The following FAF1 variants were observed in gnomAD, a reference collection of about 807,000 sequenced individuals.
FAF1 encodes Fas associated factor 1.
In FAF1, 25 loss-of-function variants were observed where a neutral mutation model predicts 92.5. The ratio of observed to expected loss-of-function variants is 0.27; its 90% confidence interval spans 0.20 to 0.38. FAF1 has a LOEUF of 0.38. Ranked by LOEUF, FAF1 falls within the 10% of genes least tolerant of loss-of-function variation. FAF1 has a pLI of 1.00. For missense variants in FAF1, 636 were observed against 793.3 expected, an observed-to-expected ratio of 0.80 and a Z score of 2.38; for synonymous variants, 234 against 273.2, an observed-to-expected ratio of 0.86 and a Z score of 1.42.
rs560779518 is a variant in FAF1, at chr1:50,713,895, TC to T, written c.552-8005del. Among the ~76,000 whole-genome samples, 311 of 148,452 alleles carry T rather than the reference TC, an allele frequency of 2.1e-3. 3 individuals carry two copies. The highest frequency in any genetic ancestry group is 7.6e-3 in the African/African-American group (307 of 40,474). On this transcript the variant is annotated intron_variant, in intron 6 of 18. Transcript: ENST00000396153. ...TTCAAGCAATCCTCCCGGCTCAGCCTCCCACGTAGCTGGGTTTACAGGCACC... is the reference window on the plus strand; with the variant it reads ...TTCAAGCAATCCTCCCGGCTCAGCCTCCACGTAGCTGGGTTTACAGGCACC...
At chr1:50,647,601 T>C (rs550314085) in intron 8 of FAF1, among the ~76,000 whole-genome samples, 1 of 152,162 alleles carries the variant, frequency 6.6e-6, no homozygotes, top group African/African-American at 2.4e-5. Context: ...ATTAAAACAA[T>C]AAATAAAACA....
chr1:50,539,103 A>G (rs1387498208), intron 14 of FAF1, among the ~76,000 whole-genome samples: 1 of 152,268 alleles, frequency 6.6e-6, no homozygotes, highest in Non-Finnish European at 1.5e-5. Context: ...TTAAATTCAC[A>G]GGCATCCCAC....
chr1:50,851,081 ATT>A (rs57980948), intron 2 of FAF1, among the ~76,000 whole-genome samples: 40 of 135,402 alleles, frequency 3.0e-4, no homozygotes, highest in African/African-American at 5.9e-4. Context: ...AGCAATTTAC[ATT>A]TTTTTTTTTT....
intron 15 of FAF1, among the ~76,000 whole-genome samples, chr1:50,512,820 T>C (rs1647154562): frequency 6.6e-6 from 1 of 152,222 alleles, no homozygotes; most frequent in African/African-American, 2.4e-5. Context: ...ATAAATTACT[T>C]TGGGCAGTAT....
intron 2 of FAF1, among the ~76,000 whole-genome samples, chr1:50,851,842 G>C (rs1644354022): frequency 6.6e-6 from 1 of 152,034 alleles, no homozygotes; most frequent in Non-Finnish European, 1.5e-5. Context: ...ATTTGATCAG[G>C]TAAACCAATG....
At chr1:50,853,832 T>C (rs1035349005) in intron 2 of FAF1, among the ~76,000 whole-genome samples, 6 of 152,064 alleles carry the variant, frequency 3.9e-5, no homozygotes, top group Non-Finnish European at 1.5e-5. Context: ...TTTAATAGTA[T>C]GTATACAAAT....
intron 4 of FAF1, among the ~76,000 whole-genome samples, chr1:50,745,744 A>T (rs1182008598): frequency 6.6e-6 from 1 of 152,188 alleles, no homozygotes; most frequent in Non-Finnish European, 1.5e-5. Flanking sequence ...TTTACAAATT[A>T]TCCAGTCTCG....
At position 50,718,874 on chromosome 1, in the gene FAF1, T is replaced by C. The variant is rs192108233; in HGVS notation, c.552-12983A>G. Among the ~76,000 whole-genome samples the C allele has an allele frequency of 2.2e-4, 34 of 152,350 alleles. 1 individual carries two copies. The East Asian group carries it at 5.2e-3, about 23-fold the overall frequency. ...ATTTTAAATTAAAAAGCGTGACACA[T>C]GGCAATTTAAATTTCCATTCTAAAC... On this transcript the variant is annotated intron_variant, in intron 6 of 18. Transcript: ENST00000396153.
intron 4 of FAF1, among the ~76,000 whole-genome samples, chr1:50,779,717 T>G (rs1048843856): frequency 2.0e-5 from 3 of 151,938 alleles, no homozygotes; most frequent in Non-Finnish European, 1.5e-5. Context: ...GAAGTTAGAT[T>G]GTTACCAGCT....
intron 8 of FAF1, among the ~76,000 whole-genome samples, chr1:50,620,819 C>A (rs1653161080): frequency 6.6e-6 from 1 of 152,254 alleles, no homozygotes; most frequent in Admixed American, 6.5e-5. Context: ...TTTGTACTTT[C>A]TTGCATTCTC....
At chr1:50,494,289 T>A (rs968225627) in intron 15 of FAF1, among the ~76,000 whole-genome samples, 1 of 152,232 alleles carries the variant, frequency 6.6e-6, no homozygotes, top group Non-Finnish European at 1.5e-5. Flanking sequence ...TCAGATTTTT[T>A]AGAAAATCCC....
At chr1:50,483,923 G>C (rs1415132008) in intron 17 of FAF1, among the ~76,000 whole-genome samples, 1 of 152,108 alleles carries the variant, frequency 6.6e-6, no homozygotes, top group Non-Finnish European at 1.5e-5. Context: ...AGGATCAGTT[G>C]TGCAATTTAA....
At chr1:50,890,838 T>C (rs1299457491) in intron 1 of FAF1, among the ~76,000 whole-genome samples, 1 of 152,218 alleles carries the variant, frequency 6.6e-6, no homozygotes, top group African/African-American at 2.4e-5. Flanking sequence ...CAATTGTGTC[T>C]TGGAGTTGCT....
chr1:50,882,336 G>A (rs923154105), intron 1 of FAF1, among the ~76,000 whole-genome samples: 2 of 152,174 alleles, frequency 1.3e-5, no homozygotes, highest in Admixed American at 1.3e-4. Context: ...GCTCACACCT[G>A]TAATCCCAGC....
chr1:50,621,242 A>G (rs554143881), intron 8 of FAF1, among the ~76,000 whole-genome samples: 3 of 152,210 alleles, frequency 2.0e-5, no homozygotes, highest in Non-Finnish European at 4.4e-5. Context: ...CAGGTGGAAC[A>G]ATGCACTCTG....
chr1:50,558,325 A>G (rs2149050832), intron 13 of FAF1, among the ~76,000 whole-genome samples: 1 of 152,326 alleles, frequency 6.6e-6, no homozygotes. Flanking sequence ...GTTCTAAAAT[A>G]CAAGCATAAC....
At chr1:50,613,250 A>T (rs1652759763) in intron 8 of FAF1, among the ~76,000 whole-genome samples, 1 of 152,242 alleles carries the variant, frequency 6.6e-6, no homozygotes. Flanking sequence ...TCTGGGCCTC[A>T]GTGAAAAGTA....
At chr1:50,743,881 G>A (rs1335576122) in intron 5 of FAF1, among the ~76,000 whole-genome samples, 1 of 151,602 alleles carries the variant, frequency 6.6e-6, no homozygotes, top group Non-Finnish European at 1.5e-5. Context: ...GACCAGCCTG[G>A]CCAACATGGT....
intron 6 of FAF1, among the ~76,000 whole-genome samples, chr1:50,706,680 T>C (rs904249304): frequency 2.0e-5 from 3 of 152,214 alleles, no homozygotes; most frequent in African/African-American, 7.2e-5. Flanking sequence ...TAAACTAATA[T>C]TAAATGAGTA....
Sources: allele counts gnomAD v4.1 joint callset (sites outside exome capture counted in the v4.1 genomes callset), GRCh38; gene constraint gnomAD v4.1.1; transcripts MANE v1.5; gene names NCBI Gene and HGNC (gene_info 2026-07-23, HGNC 2026-07-21).